Variants in CACNB2 observed in about 807,000 individuals in gnomAD.
The protein encoded by CACNB2 is voltage-dependent L-type calcium channel subunit beta-2.
Under a neutral mutation model 73.3 loss-of-function variants are expected in CACNB2, and 42 were observed. That is an observed-to-expected ratio of 0.57 (90% CI 0.45 to 0.74). CACNB2 has a LOEUF of 0.74. CACNB2 is among the 30% of genes least tolerant of loss of function. The probability of loss-of-function intolerance (pLI) is 0.00; values close to 1 mark genes in which losing one functional copy is unlikely to be tolerated. For synonymous variants in CACNB2, 348 were observed against 310.3 expected (o/e 1.12, Z -1.28); for missense variants, 940 against 853.0 (o/e 1.10, Z -1.27).
chr10:18,168,043 GCAGA>G (rs2032977643), intron 2 of CACNB2, among the ~76,000 whole-genome samples: 1 of 151,824 alleles, frequency 6.6e-6, no homozygotes, highest in South Asian at 2.1e-4. Flanking sequence ...GAGTAATCAT[GCAGA>G]CATTCTATAT....
chr10:18,212,164 G>A (rs1463807376), intron 2 of CACNB2, among the ~76,000 whole-genome samples: 1 of 151,992 alleles, frequency 6.6e-6, no homozygotes, highest in Admixed American at 6.6e-5. Context: ...TTAGTTGTAC[G>A]GTGTGCATAT....
chr10:18,353,184 G>C (rs2041779863), intron 2 of CACNB2, among the ~76,000 whole-genome samples: 1 of 152,170 alleles, frequency 6.6e-6, no homozygotes, highest in Admixed American at 6.5e-5. Context: ...GGCCGAGGCA[G>C]GTGGATCACA....
At chr10:18,370,358 A>C (rs553255879) in intron 2 of CACNB2, among the ~76,000 whole-genome samples, 1 of 152,218 alleles carries the variant, frequency 6.6e-6, no homozygotes, top group South Asian at 2.1e-4. Flanking sequence ...CAGGGGCACT[A>C]TCTGGGTAGG....
chr10:18,479,689 C>G lies in CACNB2; in HGVS notation c.334-18666C>G, dbSNP rs540426296. Among the ~76,000 whole-genome samples the G allele has an allele frequency of 5.7e-3, 631 of 111,596 alleles. 10 individuals are homozygous for G. In the East Asian group the frequency reaches 0.072, roughly 13 times the overall value. The allele number at this position is 111,596 out of a possible 152,430, so 73.2% of individuals were successfully genotyped here. A position where few individuals can be genotyped will look rare whatever the true frequency, so the allele number is the denominator to read the frequency against. On this transcript the variant is annotated intron_variant, in intron 3 of 13. Transcript: ENST00000324631. ...TCTGATGGTTTAAAAGTGCGTGTGT[C>G]TCTCTCTCTCGCTCGCTCGCTCTCT...
intron 3 of CACNB2, among the ~76,000 whole-genome samples, chr10:18,477,420 C>T (rs1052419120): frequency 6.6e-6 from 1 of 152,134 alleles, no homozygotes; most frequent in South Asian, 2.1e-4. Context: ...TTTATCCAGC[C>T]CCTATTCAAA....
At chr10:18,156,271 A>G (rs1381105561) in intron 2 of CACNB2, among the ~76,000 whole-genome samples, 7 of 152,264 alleles carry the variant, frequency 4.6e-5, no homozygotes, top group Non-Finnish European at 1.5e-5. Flanking sequence ...CTAAAGCAGA[A>G]CAGCAGCTAC....
At chr10:18,232,607 T>C (rs2036264132) in intron 2 of CACNB2, among the ~76,000 whole-genome samples, 1 of 152,196 alleles carries the variant, frequency 6.6e-6, no homozygotes, top group Non-Finnish European at 1.5e-5. Context: ...CTAGTGACCT[T>C]AGAGTAAGTT....
chr10:18,443,034 AT>A (rs2046552801), intron 3 of CACNB2, among the ~76,000 whole-genome samples: 1 of 136,400 alleles, frequency 7.3e-6, no homozygotes, highest in African/African-American at 2.7e-5. Context: ...ATATATATAT[AT>A]AAATAAGGAA....
At chr10:18,396,055 C>T (rs1259114658) in intron 2 of CACNB2, among the ~76,000 whole-genome samples, 2 of 152,180 alleles carry the variant, frequency 1.3e-5, no homozygotes, top group Non-Finnish European at 2.9e-5. Flanking sequence ...CTCCTAGGTT[C>T]AAGCGATTCT....
At chr10:18,340,791 C>A in intron 2 of CACNB2, 1 of 1,589,648 alleles carries the variant, frequency 6.3e-7, no homozygotes, top group South Asian at 1.1e-5. Flanking sequence ...ACACCCCAAG[C>A]CAGCAAGAAA....
At chr10:18,302,699 G>A (rs1366878514) in intron 2 of CACNB2, among the ~76,000 whole-genome samples, 1 of 151,970 alleles carries the variant, frequency 6.6e-6, no homozygotes, top group Non-Finnish European at 1.5e-5. Flanking sequence ...TGAGGACTCA[G>A]GGGGAAAGGG....
At chr10:18,450,440 C>T (rs539342042) in intron 3 of CACNB2, among the ~76,000 whole-genome samples, 4 of 151,974 alleles carry the variant, frequency 2.6e-5, no homozygotes, top group South Asian at 2.1e-4. Context: ...TGAATAATGT[C>T]GAAACAGTGT....
At chr10:18,502,713 A>ACC (rs1487229652) in intron 5 of CACNB2, among the ~76,000 whole-genome samples, 42,339 of 117,158 alleles carry the variant, frequency 0.36, 8,891 homozygotes, top group East Asian at 0.51. Flanking sequence ...AAAAAAAAAA[A>ACC]AAAAAAAAAA....
At chr10:18,307,983 C>CTTTTTTTTTGTTTTTTTT (rs2039804411) in intron 2 of CACNB2, among the ~76,000 whole-genome samples, 1 of 70,268 alleles carries the variant, frequency 1.4e-5, no homozygotes, top group Non-Finnish European at 2.7e-5. Flanking sequence ...TATATGCCAA[C>CTTTTTTTTTGTTTTTTTT]TTTTTTTTTT....
At chr10:18,227,862 C>T (rs938613671) in intron 2 of CACNB2, among the ~76,000 whole-genome samples, 7 of 152,252 alleles carry the variant, frequency 4.6e-5, no homozygotes, top group Admixed American at 4.6e-4. Context: ...GACTGGGGCT[C>T]ATCAGAAGTC....
In CACNB2 at chr10:18,195,867, T is replaced by G. The variant is rs531694378; in HGVS notation, c.213+44892T>G. On this transcript the variant is annotated intron_variant, in intron 2 of 13. Transcript: ENST00000324631. ...TGCATTTGTCATCAGAGTCAACTCTTTGGTACAGAGCATACTCTTCTTTGT... is the reference window on the plus strand; with the variant it reads ...TGCATTTGTCATCAGAGTCAACTCTGTGGTACAGAGCATACTCTTCTTTGT... Among the ~76,000 whole-genome samples the G allele has an allele frequency of 1.6e-4, 25 of 152,332 alleles. No homozygotes were observed. The South Asian group carries it at 5.2e-3, about 32-fold the overall frequency.
intron 2 of CACNB2, chr10:18,261,297 C>G: frequency 6.4e-7 from 1 of 1,551,510 alleles, no homozygotes; most frequent in Non-Finnish European, 8.7e-7. Flanking sequence ...GGTGCATCGC[C>G]GGCGAGTACG....
At chr10:18,228,463 A>G (rs1235234208) in intron 2 of CACNB2, among the ~76,000 whole-genome samples, 2 of 150,800 alleles carry the variant, frequency 1.3e-5, no homozygotes, top group Non-Finnish European at 3.0e-5. Context: ...AAAAAAAAAG[A>G]AAAGAAAAAA....
chr10:18,387,809 TG>T (rs1183730296), intron 2 of CACNB2, among the ~76,000 whole-genome samples: 1 of 151,364 alleles, frequency 6.6e-6, no homozygotes, highest in Non-Finnish European at 1.5e-5. Flanking sequence ...CAGGCTGGGG[TG>T]CAGTGGTACA....
Sources: gnomAD v4.1 joint callset for allele counts (sites outside exome capture counted in the v4.1 genomes callset) on GRCh38, gnomAD v4.1.1 for gene constraint, MANE v1.5 for transcripts, NCBI Gene and HGNC (gene_info 2026-07-23, HGNC 2026-07-21) for gene names.